Variants in DENND4C observed in about 807,000 individuals in gnomAD.
DENND4C encodes the protein DENN domain-containing protein 4C.
Under a neutral mutation model 203.0 loss-of-function variants are expected in DENND4C, and 108 were observed. The ratio of observed to expected loss-of-function variants is 0.53; its 90% CI spans 0.46 to 0.62. DENND4C has a LOEUF of 0.62. DENND4C is among the 20% of genes least tolerant of loss of function. The pLI, the probability that DENND4C is intolerant of heterozygous loss-of-function variation, is 0.00. For synonymous variants in DENND4C, 871 were observed against 792.4 expected, an observed-to-expected ratio of 1.10 and a Z score of -1.67; for missense variants, 2,481 against 2,301.2, an observed-to-expected ratio of 1.08 and a Z score of -1.60.
intron 2 of DENND4C, among the ~76,000 whole-genome samples, chr9:19,277,625 C>A (rs1319554193): frequency 6.6e-6 from 1 of 151,504 alleles, no homozygotes; most frequent in Non-Finnish European, 1.5e-5. Flanking sequence ...TTTACTCCTT[C>A]CTTTGCAGTT....
intron 26 of DENND4C, among the ~76,000 whole-genome samples, chr9:19,354,515 A>G (rs1464004900): frequency 1.4e-5 from 2 of 148,070 alleles, no homozygotes; most frequent in African/African-American, 5.0e-5. Context: ...ATACTGACAA[A>G]TTTGAGTGTC....
At chr9:19,291,114 C>T (rs796268159) in intron 5 of DENND4C, among the ~76,000 whole-genome samples, 17 of 152,158 alleles carry the variant, frequency 1.1e-4, no homozygotes, top group African/African-American at 4.1e-4. Flanking sequence ...CTTCAAAACC[C>T]AGGTGTCAAG....
At position 19,352,651 on chromosome 9, in the gene DENND4C, G is replaced by C; in HGVS notation, c.4767G>C (p.Leu1589Phe). The C allele has an allele frequency of 1.2e-6, 2 of 1,604,734 alleles. No individual in the cohort carries two copies. The highest frequency in any genetic ancestry group is 1.7e-6 in the Non-Finnish European group (2 of 1,174,734). ...LPLLNIEFKD[L>F]RGSASFFLKP... ...TTCTCAATATAGAATTCAAAGATTT[G>C]AGAGGTTCTGCAAGGTTAGTCTTAT... The change falls in exon 26 of 33, where the codon TTG becomes TTC. Residue 1589 changes from leucine to phenylalanine, a missense_variant. Leu to Phe is a conservative substitution (Grantham distance 22). Coordinates refer to ENST00000434457, the MANE Select transcript of DENND4C (RefSeq NM_001330640.2).
At chr9:19,276,723 G>C (rs1369316347) in intron 2 of DENND4C, 1 of 295,486 alleles carries the variant, frequency 3.4e-6, no homozygotes, top group African/African-American at 2.2e-5. Flanking sequence ...TTGAAATGAA[G>C]ACATTTGACC....
chr9:19,338,008 C>T (rs977374765), intron 20 of DENND4C, among the ~76,000 whole-genome samples: 1 of 152,108 alleles, frequency 6.6e-6, no homozygotes, highest in African/African-American at 2.4e-5. Flanking sequence ...CCATTGCTTT[C>T]CAAAACTTAT....
At chr9:19,231,103 G>GC (rs1190715812) in intron 1 of DENND4C, among the ~76,000 whole-genome samples, 2 of 152,310 alleles carry the variant, frequency 1.3e-5, no homozygotes, top group African/African-American at 4.8e-5. Context: ...TCCCCGCGTC[G>GC]CCCGCCGGGC....
intron 23 of DENND4C, among the ~76,000 whole-genome samples, chr9:19,348,587 GAGACGTGGGAAAAAAAATT>G (rs1823415122): frequency 6.6e-6 from 1 of 152,106 alleles, no homozygotes; most frequent in Admixed American, 6.5e-5. Context: ...ATTGGAATTA[GAGACGTGGGAAAAAAAATT>G]AGACGTATAA....
chr9:19,243,162 C>G (rs1289431858), intron 1 of DENND4C, among the ~76,000 whole-genome samples: 6 of 152,152 alleles, frequency 3.9e-5, no homozygotes, highest in East Asian at 1.9e-4. Flanking sequence ...CTCCTGGACC[C>G]CTAGCCCTAG....
chr9:19,267,339 A>G (rs1443844975), intron 1 of DENND4C, among the ~76,000 whole-genome samples: 2 of 152,052 alleles, frequency 1.3e-5, no homozygotes, highest in Non-Finnish European at 1.5e-5. Context: ...TGCTGAATTG[A>G]CACCCTTATT....
At chr9:19,259,505 C>CTTTTTTT (rs1021585159) in intron 1 of DENND4C, among the ~76,000 whole-genome samples, 5 of 131,464 alleles carry the variant, frequency 3.8e-5, no homozygotes, top group Non-Finnish European at 6.4e-5. Flanking sequence ...TTTCTTTTTT[C>CTTTTTTT]TTTTTTTTTT....
At chr9:19,232,461 A>G (rs1186609096) in intron 1 of DENND4C, among the ~76,000 whole-genome samples, 4 of 152,296 alleles carry the variant, frequency 2.6e-5, no homozygotes, top group African/African-American at 9.6e-5. Context: ...CAGTACTACT[A>G]TTTAGACTTA....
In DENND4C at chr9:19,241,435, A is replaced by T. The variant is rs535260881; in HGVS notation, c.-18+10602A>T. Among the ~76,000 whole-genome samples, 28 of 150,470 alleles carry T rather than the reference A, an allele frequency of 1.9e-4. 1 individual carries two copies. The highest frequency in any genetic ancestry group is 6.8e-4 in the African/African-American group (28 of 40,956). ...GCTATGTTGCTTAGGCTGGCCTCCA[A>T]CTCCTGGGCTCAAGTGATTCTCTGG... On this transcript the variant is annotated intron_variant, in intron 1 of 32. Transcript: ENST00000434457.
chr9:19,271,571 A>G (rs979070365), intron 1 of DENND4C, among the ~76,000 whole-genome samples: 13 of 152,186 alleles, frequency 8.5e-5, no homozygotes, highest in Non-Finnish European at 1.2e-4. Context: ...GTTTTGAAAA[A>G]GAACAGCAGT....
chr9:19,261,160 A>G (rs1829256685), intron 1 of DENND4C, among the ~76,000 whole-genome samples: 1 of 152,034 alleles, frequency 6.6e-6, no homozygotes, highest in Admixed American at 6.6e-5. Flanking sequence ...TGTCAAAAAT[A>G]AGTTCGTTGT....
intron 13 of DENND4C, among the ~76,000 whole-genome samples, 197 bp downstream of exon 13, chr9:19,324,704 AT>A (rs1469480969): frequency 6.6e-6 from 1 of 152,044 alleles, no homozygotes; most frequent in East Asian, 1.9e-4. Flanking sequence ...CATATAGCCA[AT>A]TTTTCTATTC....
intron 8 of DENND4C, among the ~76,000 whole-genome samples, chr9:19,299,777 A>G (rs1023958654): frequency 2.6e-5 from 4 of 152,178 alleles, no homozygotes; most frequent in African/African-American, 4.8e-5. Context: ...ATAATAGTAT[A>G]TTTCAATTTC....
chr9:19,372,071 T>C lies in DENND4C; in HGVS notation c.5775T>C (p.Asn1925=), dbSNP rs770306070. ...ACAATGAATATGGAATTGCATACAATAGTCTGTCTTCAGAGATTCTTGAAA... is the reference window on the plus strand; with the variant it reads ...ACAATGAATATGGAATTGCATACAACAGTCTGTCTTCAGAGATTCTTGAAA... The part of the protein sequence containing the change: ...AFDNEYGIAY[N]SLSSEILERL... Residue 1925 remains asparagine (N), a synonymous_variant, in exon 33 of 33, where the codon AAT becomes AAC. Coordinates refer to ENST00000434457, the MANE Select transcript of DENND4C (RefSeq NM_001330640.2). 5 of 1,613,778 alleles carry C rather than the reference T, an allele frequency of 3.1e-6. No individual in the cohort carries two copies. The highest frequency in any genetic ancestry group is 1.1e-5 in the South Asian group (1 of 90,938).
chr9:19,365,083 A>T (rs1405581371), intron 30 of DENND4C, among the ~76,000 whole-genome samples: 19 of 152,200 alleles, frequency 1.2e-4, no homozygotes, highest in African/African-American at 9.7e-5. Flanking sequence ...TTACCCTGAT[A>T]CAAAGACCAA....
intron 1 of DENND4C, among the ~76,000 whole-genome samples, chr9:19,262,637 G>A (rs7029219): frequency 0.051 from 7,796 of 151,872 alleles, 353 homozygotes; most frequent in African/African-American, 0.12. Flanking sequence ...TTGCCATATC[G>A]GCCAGACTGG....
Sources: gnomAD v4.1 joint callset for allele counts (sites outside exome capture counted in the v4.1 genomes callset) on GRCh38, gnomAD v4.1.1 for gene constraint, MANE v1.5 for transcripts, NCBI Gene and HGNC (gene_info 2026-07-23, HGNC 2026-07-21) for gene names.